Variants in NCAM1 observed in about 807,000 individuals in gnomAD.
NCAM1 encodes the protein antigen recognized by monoclonal antibody 5.1H11.
NCAM1 carries 14 observed loss-of-function variants against 109.8 expected under a neutral mutation model. That is an observed-to-expected ratio of 0.13 (90% confidence interval 0.08 to 0.20). NCAM1 has a LOEUF of 0.20. Ranked by LOEUF, NCAM1 falls within the 10% of genes least tolerant of loss-of-function variation. The probability of loss-of-function intolerance (pLI) is 1.00; values close to 1 mark genes in which losing one functional copy is unlikely to be tolerated. For synonymous variants in NCAM1, 418 were observed against 442.9 expected (o/e 0.94, Z 0.70); for missense variants, 774 against 1,109.9 (o/e 0.70, Z 4.30).
At chr11:113,222,424 A>G (rs1232693019) in intron 9 of NCAM1, among the ~76,000 whole-genome samples, 1 of 152,238 alleles carries the variant, frequency 6.6e-6, no homozygotes, top group African/African-American at 2.4e-5. Flanking sequence ...GCACATGAAC[A>G]GGCTGCCATT....
intron 1 of NCAM1, among the ~76,000 whole-genome samples, chr11:113,044,403 G>A (rs1215161648): frequency 6.6e-6 from 1 of 152,140 alleles, no homozygotes; most frequent in Admixed American, 6.5e-5. Context: ...ATGATTTGTA[G>A]GCTGGGTGTG....
In NCAM1 at chr11:113,273,870, C is replaced by T. The variant is rs533624909; in HGVS notation, c.2457-1397C>T. 3.8e-5 allele frequency: 8 copies of T among 209,138 alleles called. No homozygotes were observed. The highest frequency in any genetic ancestry group is 3.0e-4 in the East Asian group (2 of 6,732). The allele number at this position is 209,138 out of a possible 1,614,324, so 13.0% of individuals were successfully genotyped here. ...TCATCCAGGGCTTCTCTGAGGCGACCGTCAACCAAGGGGCTGGGATAAGGC... is the reference window on the plus strand; with the variant it reads ...TCATCCAGGGCTTCTCTGAGGCGACTGTCAACCAAGGGGCTGGGATAAGGC... On this transcript the variant is annotated intron_variant, in intron 19 of 19. Coordinates refer to ENST00000316851, the MANE Select transcript of NCAM1 (RefSeq NM_181351.5). The surrounding 1 kb of genome is among the most constrained non-coding windows in gnomAD (Gnocchi z 6.0).
At chr11:113,150,958 T>C (rs1389683872) in intron 1 of NCAM1, among the ~76,000 whole-genome samples, 1 of 152,130 alleles carries the variant, frequency 6.6e-6, no homozygotes, top group East Asian at 1.9e-4. Flanking sequence ...TGTGGTCAGT[T>C]AAAGTGTGAA....
chr11:113,190,315 C>T (rs1943638564), intron 1 of NCAM1, among the ~76,000 whole-genome samples: 1 of 152,126 alleles, frequency 6.6e-6, no homozygotes, highest in African/African-American at 2.4e-5. Context: ...AGGAGGAGGC[C>T]ATCCACATAG....
intron 1 of NCAM1, among the ~76,000 whole-genome samples, chr11:113,189,677 T>C (rs998789520): frequency 1.3e-5 from 2 of 152,084 alleles, no homozygotes; most frequent in Non-Finnish European, 2.9e-5. Context: ...AGGGGCTGTC[T>C]TTAATGTTTC....
chr11:113,037,541 T>G (rs1952932089), intron 1 of NCAM1, among the ~76,000 whole-genome samples: 1 of 152,180 alleles, frequency 6.6e-6, no homozygotes, highest in Non-Finnish European at 1.5e-5. Context: ...ACTGGACCCC[T>G]GAACACAGGG....
intron 1 of NCAM1, among the ~76,000 whole-genome samples, chr11:113,126,378 T>A (rs1170667554): frequency 6.6e-6 from 1 of 152,048 alleles, no homozygotes; most frequent in African/African-American, 2.4e-5. Flanking sequence ...TTGCTCAAGG[T>A]CATACAACTC....
At chr11:112,999,250 A>C (rs1286497496) in intron 1 of NCAM1, among the ~76,000 whole-genome samples, 1 of 152,154 alleles carries the variant, frequency 6.6e-6, no homozygotes, top group Non-Finnish European at 1.5e-5. Flanking sequence ...TCACTCCTCT[A>C]AGTGGAAAAT....
At position 113,273,668 on chromosome 11, in the gene NCAM1, C is replaced by T. The variant is rs181319845; in HGVS notation, c.2457-1599C>T. The T allele has an allele frequency of 6.8e-5, 31 of 456,234 alleles. No homozygotes were observed. Among genetic ancestry groups the T allele is most frequent in the Admixed American group, 9.4e-5 (4 of 42,556 alleles). 28.3% of individuals were successfully genotyped at this position (456,234 alleles called of 1,614,324 possible). A position where few individuals can be genotyped will look rare whatever the true frequency, so the allele number is the denominator to read the frequency against. ...CAGCCCTGGGCTCTCCTGCTCCCGC[C>T]GCTGGGGCCAGTGGACAAGCCCCTG... On this transcript the variant is annotated intron_variant, in intron 19 of 19. Coordinates refer to ENST00000316851, the MANE Select transcript of NCAM1 (RefSeq NM_181351.5). This position sits in a 1 kb window ranked among gnomAD's most constrained non-coding sequence, Gnocchi z 6.0.
intron 1 of NCAM1, among the ~76,000 whole-genome samples, chr11:113,045,586 C>T (rs1398179155): frequency 2.0e-5 from 3 of 152,210 alleles, no homozygotes; most frequent in Non-Finnish European, 2.9e-5. Flanking sequence ...ACAGAACACA[C>T]TGGAGCATTA....
intron 14 of NCAM1, among the ~76,000 whole-genome samples, chr11:113,241,823 G>A (rs1031824948): frequency 1.3e-5 from 2 of 152,184 alleles, no homozygotes; most frequent in African/African-American, 2.4e-5. Flanking sequence ...GGGTGGTGCC[G>A]CCTGGCTGGC....
In NCAM1 at chr11:113,141,860, GT is replaced by G. The variant is rs201185069; in HGVS notation, c.53-60517del. On this transcript the variant is annotated intron_variant, in intron 1 of 19. Coordinates refer to ENST00000316851, the MANE Select transcript of NCAM1 (RefSeq NM_181351.5). ...ATATTTTGACAGCTCACTTTTAGGT[GT>G]TCATTCCAGTCGTATATAAAAGTAG... is the stretch of plus-strand genomic sequence containing the variant. Among the ~76,000 whole-genome samples the G allele has an allele frequency of 1.8e-4, 28 of 152,136 alleles. No homozygotes were observed. The East Asian group carries it at 5.4e-3, about 29-fold the overall frequency.
chr11:113,037,369 G>A (rs1313394982), intron 1 of NCAM1, among the ~76,000 whole-genome samples: 2 of 152,108 alleles, frequency 1.3e-5, no homozygotes, highest in Non-Finnish European at 2.9e-5. Flanking sequence ...GCAGCCTGGG[G>A]TCTGTTCCCA....
chr11:113,199,829 T>TGAAAAAAAAA lies in NCAM1; in HGVS notation c.53-2550_53-2549insGAAAAAAAAA, dbSNP rs60389510. Reference sequence around the variant, plus strand: ...GCAAATAAAGTAAAAGAAACACCCTTAAAAAAAAAAAAAAAAAAAACTTCT... The same window carrying TGAAAAAAAAA: ...GCAAATAAAGTAAAAGAAACACCCTTGAAAAAAAAAAAAAAAAAAAAAAAAAAAAACTTCT... On this transcript the variant is annotated intron_variant, in intron 1 of 19. Transcript: ENST00000316851. Among the ~76,000 whole-genome samples the TGAAAAAAAAA allele has an allele frequency of 1.8e-4, 21 of 115,774 alleles. 3 individuals are homozygous for TGAAAAAAAAA. Among genetic ancestry groups the TGAAAAAAAAA allele is most frequent in the South Asian group, 3.1e-4 (1 of 3,250 alleles). 76.0% of individuals were successfully genotyped at this position (115,774 alleles called of 152,430 possible).
At chr11:113,144,260 G>A (rs113955771) in intron 1 of NCAM1, among the ~76,000 whole-genome samples, 147 of 152,194 alleles carry the variant, frequency 9.7e-4, no homozygotes, top group Non-Finnish European at 1.6e-3. Flanking sequence ...TGATTTCCTC[G>A]TGTGATTATA....
At chr11:113,264,853 G>A in intron 17 of NCAM1, 1 of 985,448 alleles carries the variant, frequency 1.0e-6, no homozygotes, top group East Asian at 1.1e-4. Flanking sequence ...CTCCTCAGGA[G>A]GCAGCACTAG....
At chr11:112,999,836 T>C (rs1306004794) in intron 1 of NCAM1, among the ~76,000 whole-genome samples, 1 of 152,212 alleles carries the variant, frequency 6.6e-6, no homozygotes, top group Non-Finnish European at 1.5e-5. Flanking sequence ...TGTATGTTGA[T>C]TGTATACTTC....
At chr11:113,084,554 T>C (rs1565426622) in intron 1 of NCAM1, among the ~76,000 whole-genome samples, 1 of 152,218 alleles carries the variant, frequency 6.6e-6, no homozygotes, top group Non-Finnish European at 1.5e-5. Context: ...TTCTTCGTGG[T>C]ATAAAAATAA....
chr11:112,965,929 G>GCAC (rs1273595653), intron 1 of NCAM1, among the ~76,000 whole-genome samples: 5 of 152,138 alleles, frequency 3.3e-5, no homozygotes, highest in Non-Finnish European at 4.4e-5. Context: ...AGAAGGGATC[G>GCAC]CACCTGCCCC....
Sources: allele counts gnomAD v4.1 joint callset (sites outside exome capture counted in the v4.1 genomes callset), GRCh38; gene constraint gnomAD v4.1.1; non-coding constraint Gnocchi (gnomAD v3.1); transcripts MANE v1.5; gene names NCBI Gene and HGNC (gene_info 2026-07-23, HGNC 2026-07-21).